GRIK4: variants seen among roughly 807,000 people sequenced by gnomAD.
GRIK4 encodes the protein glutamate ionotropic receptor kainate type subunit 4, also known as glutamate receptor ionotropic, kainate 4.
In GRIK4, 40 loss-of-function variants were observed where a neutral mutation model predicts 104.9. The observed-to-expected ratio is 0.38, with a 90% CI of 0.30 to 0.50. The LOEUF (loss-of-function observed/expected upper bound fraction) is 0.50, where lower values mean the gene tolerates loss of function less well. Ranked by LOEUF, GRIK4 falls within the 20% of genes least tolerant of loss-of-function variation. GRIK4 has a pLI of 0.93. For synonymous variants in GRIK4, 485 were observed against 524.9 expected, an observed-to-expected ratio of 0.92 and a Z score of 1.04; for missense variants, 1,047 against 1,308.1, an observed-to-expected ratio of 0.80 and a Z score of 3.08.
At chr11:120,923,263 G>T (rs2850804) in intron 13 of GRIK4, among the ~76,000 whole-genome samples, 2 of 151,918 alleles carry the variant, frequency 1.3e-5, no homozygotes, top group Non-Finnish European at 2.9e-5. Context: ...GGGATGTTGC[G>T]GCCCAAAGCA....
intron 1 of GRIK4, among the ~76,000 whole-genome samples, chr11:120,547,746 G>C (rs1948099895): frequency 6.6e-6 from 1 of 152,174 alleles, no homozygotes; most frequent in African/African-American, 2.4e-5. Context: ...CCTAGTGTTT[G>C]GTAAATTCAG....
intron 11 of GRIK4, among the ~76,000 whole-genome samples, chr11:120,889,274 G>A (rs1955205494): frequency 6.6e-6 from 1 of 152,136 alleles, no homozygotes; most frequent in African/African-American, 2.4e-5. Context: ...AACCTTTTTA[G>A]TTGGTTTTAT....
chr11:120,814,463 G>A (rs1040781430), intron 4 of GRIK4, among the ~76,000 whole-genome samples: 1 of 152,158 alleles, frequency 6.6e-6, no homozygotes, highest in African/African-American at 2.4e-5. Context: ...AGCCAGGCGT[G>A]GTGGTGGGTG....
In GRIK4 at chr11:120,944,972, T is replaced by G. The variant is rs75608466; in HGVS notation, c.1590+4512T>G. Among the ~76,000 whole-genome samples, 316 of 151,994 alleles carry G rather than the reference T, an allele frequency of 2.1e-3. 1 individual carries two copies. The highest frequency in any genetic ancestry group is 7.2e-3 in the African/African-American group (298 of 41,442). ...ATGTATATTAATTGTTCCTTCATAA[T>G]CTATTTGCAGCCTGGGTGTTGGTTT... On this transcript the variant is annotated intron_variant, in intron 14 of 20. Coordinates refer to ENST00000527524, the MANE Select transcript of GRIK4 (RefSeq NM_014619.5).
rs117646253 is a variant in GRIK4 at position 120,677,697 on chromosome 11, A to C, written c.82+17297A>C. 5.9e-3 allele frequency among the ~76,000 whole-genome samples: 892 copies of C among 152,340 alleles called. 9 individuals are homozygous for C. Among genetic ancestry groups the C allele is most frequent in the Non-Finnish European group, 7.7e-3 (527 of 68,026 alleles). Reference sequence around the variant, plus strand: ...TGAGACATCAGCTCTGGAGTTAGGCAGTGGTGACTGTGGTGGTCCAGGGAC... The same window carrying C: ...TGAGACATCAGCTCTGGAGTTAGGCCGTGGTGACTGTGGTGGTCCAGGGAC... On this transcript the variant is annotated intron_variant, in intron 3 of 20. Transcript: ENST00000527524.
At position 120,549,962 on chromosome 11, in the gene GRIK4, C is replaced by T. The variant is rs1174285384; in HGVS notation, c.-159+38075C>T. Reference sequence around the variant, plus strand: ...TTATCATTTAAGGCAGTTTGAGTTGCGTTTTCTGTCACTTGCAAGGGGTTT... The same window carrying T: ...TTATCATTTAAGGCAGTTTGAGTTGTGTTTTCTGTCACTTGCAAGGGGTTT... On this transcript the variant is annotated intron_variant, in intron 1 of 20. Coordinates refer to ENST00000527524, the MANE Select transcript of GRIK4 (RefSeq NM_014619.5). The surrounding 1 kb of genome is among the most constrained non-coding windows in gnomAD (Gnocchi z 4.7). Among the ~76,000 whole-genome samples the T allele has an allele frequency of 6.6e-6, 1 of 152,114 alleles. No individual in the cohort carries two copies. The highest frequency in any genetic ancestry group is 1.5e-5 in the Non-Finnish European group (1 of 68,022).
At chr11:120,554,681 C>G (rs762001292) in intron 1 of GRIK4, among the ~76,000 whole-genome samples, 1 of 152,088 alleles carries the variant, frequency 6.6e-6, no homozygotes, top group Non-Finnish European at 1.5e-5. Context: ...GCCTCAGCCT[C>G]CAGAGCAGCT....
intron 4 of GRIK4, among the ~76,000 whole-genome samples, chr11:120,813,297 G>C (rs1952866780): frequency 2.0e-5 from 3 of 152,186 alleles, no homozygotes; most frequent in Admixed American, 6.5e-5. Flanking sequence ...TCTCTGGGGT[G>C]CTGTGTCCTT....
Position 120,576,479 on chromosome 11 carries a change from CT to C in GRIK4, c.-159+64593del, listed in dbSNP as rs1173519386. On this transcript the variant is annotated intron_variant, in intron 1 of 20. Transcript: ENST00000527524. ...TGCTCTTGACTGGTGGGACCTTTTG[CT>C]GGCTAGGGGTGATGGGAGAAGCAAG... is the stretch of plus-strand genomic sequence containing the variant. The C allele has an allele frequency of 3.3e-5, 5 of 152,168 alleles. No individual in the cohort carries two copies. In the East Asian group the frequency reaches 7.7e-4, roughly 23 times the overall value. 9.4% of individuals were successfully genotyped at this position (152,168 alleles called of 1,614,324 possible). A position where few individuals can be genotyped will look rare whatever the true frequency, so the allele number is the denominator to read the frequency against.
intron 3 of GRIK4, among the ~76,000 whole-genome samples, chr11:120,770,011 C>A (rs1183575292): frequency 1.3e-5 from 2 of 152,308 alleles, no homozygotes; most frequent in East Asian, 3.9e-4. Flanking sequence ...TCCCTCACTT[C>A]CAGGTAACAC....
chr11:120,833,756 C>T (rs2135568179), intron 7 of GRIK4, among the ~76,000 whole-genome samples: 1 of 152,308 alleles, frequency 6.6e-6, no homozygotes, highest in South Asian at 2.1e-4. Flanking sequence ...AGCTATTTAA[C>T]CACTGTTAAA....
chr11:120,857,114 C>A (rs1167332145), intron 8 of GRIK4, among the ~76,000 whole-genome samples: 1 of 152,194 alleles, frequency 6.6e-6, no homozygotes, highest in African/African-American at 2.4e-5. Context: ...TTCCCAGACC[C>A]TCTCTTCCTC....
At chr11:120,776,126 C>T (rs1389781812) in intron 3 of GRIK4, among the ~76,000 whole-genome samples, 1 of 152,242 alleles carries the variant, frequency 6.6e-6, no homozygotes, top group African/African-American at 2.4e-5. Context: ...AGAGATAAAC[C>T]TGCCCAGAAA....
intron 3 of GRIK4, among the ~76,000 whole-genome samples, chr11:120,793,052 T>C (rs1850640589): frequency 6.6e-6 from 1 of 152,178 alleles, no homozygotes; most frequent in African/African-American, 2.4e-5. Flanking sequence ...ATAACATATA[T>C]GCTCTTCTTA....
chr11:120,724,862 T>G (rs1951001023), intron 3 of GRIK4, among the ~76,000 whole-genome samples: 1 of 152,198 alleles, frequency 6.6e-6, no homozygotes, highest in Non-Finnish European at 1.5e-5. Context: ...TCTTGCCAAC[T>G]TGGTTTGTGG....
chr11:120,680,196 G>A (rs1421426060), intron 3 of GRIK4, among the ~76,000 whole-genome samples: 1 of 152,158 alleles, frequency 6.6e-6, no homozygotes, highest in African/African-American at 2.4e-5. Context: ...TCCTGCCTCA[G>A]CCTCCCAAGT....
At chr11:120,515,574 G>A (rs1468318824) in intron 1 of GRIK4, among the ~76,000 whole-genome samples, 3 of 152,156 alleles carry the variant, frequency 2.0e-5, no homozygotes, top group African/African-American at 4.8e-5. Flanking sequence ...ATTGGTAATC[G>A]TCTGTCCGTT....
intron 1 of GRIK4, among the ~76,000 whole-genome samples, chr11:120,599,890 C>T (rs1046572442): frequency 6.6e-6 from 1 of 152,182 alleles, no homozygotes; most frequent in East Asian, 1.9e-4. Flanking sequence ...CCCCAGAGCC[C>T]GTGACATAAA....
At chr11:120,646,805 G>T (rs555884401) in intron 1 of GRIK4, among the ~76,000 whole-genome samples, 1 of 152,240 alleles carries the variant, frequency 6.6e-6, no homozygotes, top group East Asian at 1.9e-4. Context: ...CCAACCACAG[G>T]GGTCTGATTT....
Sources: allele counts gnomAD v4.1 joint callset (sites outside exome capture counted in the v4.1 genomes callset), GRCh38; gene constraint gnomAD v4.1.1; non-coding constraint Gnocchi (gnomAD v3.1); transcripts MANE v1.5; gene names NCBI Gene and HGNC (gene_info 2026-07-23, HGNC 2026-07-21).